TTN: variants seen among roughly 807,000 people sequenced by gnomAD.
TTN encodes the protein connectin.
TTN carries 1,525 observed loss-of-function variants against 3,223.0 expected under a neutral mutation model. The observed-to-expected ratio is 0.47, with a 90% CI of 0.45 to 0.49. TTN has a LOEUF of 0.49. Ranked by LOEUF, TTN falls within the 20% of genes least tolerant of loss-of-function variation. TTN has a pLI of 0.00. For missense variants in TTN, 40,786 were observed against 43,424.0 expected, an observed-to-expected ratio of 0.94 and a Z score of 5.40; for synonymous variants, 14,094 against 15,161.0, an observed-to-expected ratio of 0.93 and a Z score of 5.17.
intron 83 of TTN, 90 bp from the exon 84 acceptor site, chr2:178,719,063 C>A: frequency 6.6e-7 from 1 of 1,525,884 alleles, no homozygotes. Flanking sequence ...GGAGCTAAGA[C>A]TAAACATGAA....
Position 178,635,575 on chromosome 2 carries a change from G to A in TTN, c.41749C>T (p.Pro13917Ser). Residue 13917 changes from proline (P) to serine (S), a missense_variant, in exon 227 of 363, where the codon CCA (proline) becomes TCA (serine). Physicochemically the swap from Pro to Ser is moderately conservative, Grantham distance 74 (BLOSUM62 -1). Transcript: ENST00000589042. ...FKGYDEIPAE[P>S]NDKTEILRDG... is the part of the protein sequence containing the mutation. ...CTCAGTATTTCAGTCTTATCATTTG[G>A]TTCCGCAGGGATTTCATCATATCCT... 6.3e-7 allele frequency: 1 copy of A among 1,593,800 alleles called. No individual in the cohort carries two copies. Among genetic ancestry groups the A allele is most frequent in the Non-Finnish European group, 8.6e-7 (1 of 1,168,854 alleles).
rs374153549 is a variant in TTN at position 178,531,777 on chromosome 2, C to T, written c.104838G>A (p.Leu34946=). ...FTLDHAPRIT[L]RMRSHRVPCG... ...ATGGTACCCTGTGCGAGCGCATTCT[C>T]AGTGTGATTCGAGGGGCATGGTCCA... The change falls in exon 358 of 363, where the codon CTG becomes CTA. Residue 34946 remains leucine, a synonymous_variant. Coordinates refer to ENST00000589042, the MANE Select transcript of TTN (RefSeq NM_001267550.2). 5 of 1,613,962 alleles carry T rather than the reference C, an allele frequency of 3.1e-6. No homozygotes were observed. Among genetic ancestry groups the T allele is most frequent in the Non-Finnish European group, 3.4e-6 (4 of 1,179,876 alleles).
intron 83 of TTN, 68 bp from the exon 84 acceptor site, chr2:178,719,041 C>T: frequency 1.3e-6 from 2 of 1,517,574 alleles, no homozygotes; most frequent in Non-Finnish European, 1.8e-6. Flanking sequence ...TGCTTTTGCT[C>T]CTTAAAAAAA....
Position 178,784,287 on chromosome 2 carries a change from T to C in TTN, c.2558A>G (p.Gln853Arg), listed in dbSNP as rs368127165. The C allele has an allele frequency of 1.2e-6, 2 of 1,614,160 alleles. No individual in the cohort carries two copies. Among genetic ancestry groups the C allele is most frequent in the African/African-American group, 2.7e-5 (2 of 75,058 alleles). ...QKELSATSSAQKITKSVKAPT... is the reference protein window; with the variant it reads ...QKELSATSSARKITKSVKAPT... Reference sequence around the variant, plus strand: ...AGCCTTCACCGATTTGGTGATCTTCTGAGCAGAAGATGTGGCTGACAACTC... The same window carrying C: ...AGCCTTCACCGATTTGGTGATCTTCCGAGCAGAAGATGTGGCTGACAACTC... Residue 853 changes from glutamine to arginine, a missense_variant, in exon 16 of 363, where the codon CAG becomes CGG. By Grantham distance (43) the Gln-to-Arg change is conservative (BLOSUM62 1). Transcript: ENST00000589042.
rs397517711 is a variant in TTN, at chr2:178,568,343, T to G, written c.77789A>C (p.Lys25930Thr). ...CCATACTGTGGTGGTTGTATCTCTT[T>G]TCTGAACAATGTAGTTGGTGATTTG... The part of the protein sequence containing the change: ...GCQITNYIVQ[K>T]RDTTTTVWDV... Residue 25930 changes from lysine to threonine, a missense_variant, in exon 326 of 363, where the codon AAA (lysine) becomes ACA (threonine). By Grantham distance (78) the Lys-to-Thr change is moderately conservative. Coordinates refer to ENST00000589042, the MANE Select transcript of TTN (RefSeq NM_001267550.2). 6.2e-7 allele frequency: 1 copy of G among 1,613,416 alleles called. No individual in the cohort carries two copies. The highest frequency in any genetic ancestry group is 8.5e-7 in the Non-Finnish European group (1 of 1,179,612).
intron 240 of TTN, among the ~76,000 whole-genome samples, chr2:178,629,014 CAA>C (rs1240698697): frequency 1.3e-5 from 2 of 152,086 alleles, no homozygotes; most frequent in Admixed American, 1.3e-4. Context: ...TCTGGTTAAT[CAA>C]ACTATCATTC....
chr2:178,547,562 G>A lies in TTN; in HGVS notation c.94064C>T (p.Ala31355Val), dbSNP rs370666551. 49 of 1,613,680 alleles carry A rather than the reference G, an allele frequency of 3.0e-5. No homozygotes were observed. Among genetic ancestry groups the A allele is most frequent in the Non-Finnish European group, 4.0e-5 (47 of 1,179,808 alleles). ...GACACTGGAATTGACAAGCTGCCAA[G>A]CTGTTGTACCCGATTCACGCTTTTC... ...IVEKRESGTT[A>V]WQLVNSSVKR... is the part of the protein sequence containing the mutation. The change falls in exon 339 of 363, where the codon GCT becomes GTT. Residue 31355 changes from alanine to valine, a missense_variant. By Grantham distance (64) the Ala-to-Val change is moderately conservative (BLOSUM62 0). Transcript: ENST00000589042.
intron 316 of TTN, among the ~76,000 whole-genome samples, chr2:178,581,295 C>A (rs1408397857): frequency 6.6e-6 from 1 of 151,942 alleles, no homozygotes; most frequent in Non-Finnish European, 1.5e-5. Flanking sequence ...ATATGAAAAG[C>A]TTTTCAAAAC....
At chr2:178,702,361 T>C (rs1209473415) in intron 107 of TTN, 93 bp downstream of exon 107, 1 of 1,603,660 alleles carries the variant, frequency 6.2e-7, no homozygotes, top group African/African-American at 1.3e-5. Context: ...GCATTCTAGA[T>C]AGAATGAGAG....
In TTN at chr2:178,781,277, T is replaced by C; in HGVS notation, c.3381-14A>G. ...CTCACTTTGTATCTTTATGTAAATG[T>C]ACAAAATTTAAAAATCAGTTATCAA... On this transcript the variant is annotated splice_polypyrimidine_tract_variant and intron_variant, in intron 20 of 362. Transcript: ENST00000589042. The C allele has an allele frequency of 6.2e-7, 1 of 1,613,628 alleles. No individual in the cohort carries two copies. The highest frequency in any genetic ancestry group is 8.5e-7 in the Non-Finnish European group (1 of 1,179,788).
Position 178,554,175 on chromosome 2 carries a change from T to C in TTN, c.88936A>G (p.Thr29646Ala). 6.2e-7 allele frequency: 1 copy of C among 1,609,540 alleles called. No individual in the cohort carries two copies. Among genetic ancestry groups the C allele is most frequent in the African/African-American group, 1.3e-5 (1 of 74,706 alleles). ...PPGIPEVTKI[T>A]KNSMTVVWSR... Reference sequence around the variant, plus strand: ...CATACAACAGTCATCGAATTCTTGGTAATCTTTGTCACTTCTGGTATGCCT... The same window carrying C: ...CATACAACAGTCATCGAATTCTTGGCAATCTTTGTCACTTCTGGTATGCCT... The change falls in exon 333 of 363, where the codon ACC becomes GCC. Residue 29646 changes from threonine (T) to alanine (A), a missense_variant. Transcript: ENST00000589042.
intron 130 of TTN, 62 bp from the exon 131 acceptor site, chr2:178,684,811 A>G (rs1577386590): frequency 6.4e-7 from 1 of 1,565,184 alleles, no homozygotes; most frequent in South Asian, 1.2e-5. Flanking sequence ...ACACAGGCAC[A>G]CTTATTTTCT....
intron 7 of TTN, 30 bp downstream of exon 7, chr2:178,794,892 T>C: frequency 6.3e-7 from 1 of 1,598,518 alleles, no homozygotes; most frequent in African/African-American, 1.3e-5. Context: ...GAATGTGAAA[T>C]AAGGAAAAAC....
At chr2:178,633,385 G>C in intron 232 of TTN, 28 bp downstream of exon 232, 3 of 1,613,122 alleles carry the variant, frequency 1.9e-6, no homozygotes, top group Non-Finnish European at 2.5e-6. Flanking sequence ...TTCAGATAGG[G>C]TAAATTTTAC....
intron 44 of TTN, 95 bp downstream of exon 44, chr2:178,758,889 A>G (rs2088145520): frequency 1.6e-6 from 2 of 1,287,062 alleles, no homozygotes; most frequent in Non-Finnish European, 2.3e-6. Context: ...TGGTAGGAAC[A>G]ACAATGATTT....
At position 178,779,293 on chromosome 2, in the gene TTN, T is replaced by C. The variant is rs188090472; in HGVS notation, c.3899A>G (p.Tyr1300Cys). ...ESGFDSRIKN[Y>C]RILEGMGVTF... is the part of the protein sequence containing the mutation. ...GACACCCATCCCCTCAAGAATTCTA[T>C]AATTCTTGATTCTTGAATCAAATCC... The change falls in exon 23 of 363, where the codon TAT becomes TGT. Residue 1300 changes from tyrosine (Y) to cysteine (C), a missense_variant. Transcript: ENST00000589042. 29 of 1,613,540 alleles carry C rather than the reference T, an allele frequency of 1.8e-5. No homozygotes were observed. Among genetic ancestry groups the C allele is most frequent in the Non-Finnish European group, 2.5e-5 (29 of 1,179,546 alleles).
intron 40 of TTN, 126 bp downstream of exon 40, chr2:178,767,633 A>G: frequency 7.2e-7 from 1 of 1,382,246 alleles, no homozygotes; most frequent in South Asian, 1.2e-5. Flanking sequence ...AAGCCAAGTA[A>G]GAATGAGCTG....
At chr2:178,649,495 T>C in intron 212 of TTN, 59 bp downstream of exon 212, 1 of 1,499,292 alleles carries the variant, frequency 6.7e-7, no homozygotes, top group Middle Eastern at 1.7e-4. Context: ...ACTTATTGGA[T>C]TCCACTTTAA....
At position 178,735,749 on chromosome 2, in the gene TTN, G is replaced by A. The variant is rs372740215; in HGVS notation, c.14697C>T (p.Ser4899=). The change falls in exon 50 of 363, where the codon TCC becomes TCT. Residue 4899 remains serine (S), a synonymous_variant. Transcript: ENST00000589042. ...CAAGGTGGACCTTCTTATTGATAGC[G>A]GACTGCACAGGCTCTAATTCTTTAA... ...HFIKELEPVQ[S]AINKKVHLEC... 1.3e-4 allele frequency: 205 copies of A among 1,613,662 alleles called. 1 individual carries two copies. Among genetic ancestry groups the A allele is most frequent in the Middle Eastern group, 3.3e-4 (2 of 6,060 alleles).
Sources: gnomAD v4.1 joint callset for allele counts (sites outside exome capture counted in the v4.1 genomes callset) on GRCh38, gnomAD v4.1.1 for gene constraint, MANE v1.5 for transcripts, NCBI Gene and HGNC (gene_info 2026-07-23, HGNC 2026-07-21) for gene names.